The following PTPN5 variants were observed in gnomAD, a reference collection of about 807,000 sequenced individuals.
PTPN5 encodes tyrosine-protein phosphatase non-receptor type 5.
A neutral mutation model predicts 73.9 loss-of-function variants in PTPN5; 29 were observed. The observed-to-expected ratio is 0.39, with a 90% confidence interval of 0.29 to 0.54. The LOEUF is 0.54. Among genes scored for constraint, PTPN5 ranks in the 20% least tolerant of loss-of-function variants. PTPN5 has a pLI of 0.65. For missense variants in PTPN5, 652 were observed against 751.4 expected (o/e 0.87, Z 1.55); for synonymous variants, 267 against 304.7 (o/e 0.88, Z 1.29).
chr11:18,775,139 A>T (rs1851085637), intron 1 of PTPN5, among the ~76,000 whole-genome samples: 1 of 152,214 alleles, frequency 6.6e-6, no homozygotes, highest in South Asian at 2.1e-4. Context: ...GGAAATTCAG[A>T]GAAGTAAAGT....
chr11:18,744,012 C>G lies in PTPN5; in HGVS notation c.285G>C (p.Gln95His), dbSNP rs771558764. 1.3e-6 allele frequency: 2 copies of G among 1,598,596 alleles called. No homozygotes were observed. Among genetic ancestry groups the G allele is most frequent in the South Asian group, 1.1e-5 (1 of 88,584 alleles). ...AGGCCTGTGCCATCCTTACCAGGAA[C>G]TGTGAGGCAGCGAACAGGCACAGGC... ...RSSLCLFAAS[Q>H]FLLACGVLWF... The change falls in exon 4 of 15, where the codon CAG (glutamine) becomes CAC (histidine). Residue 95 changes from glutamine to histidine, a missense_variant. This residue lies in a region of PTPN5 where 529 missense variants were observed against 573.9 expected (regional missense o/e 0.92). Coordinates refer to ENST00000358540, the MANE Select transcript of PTPN5 (RefSeq NM_006906.2).
At chr11:18,745,469 G>A (rs1201184568) in intron 3 of PTPN5, among the ~76,000 whole-genome samples, 1 of 152,164 alleles carries the variant, frequency 6.6e-6, no homozygotes, top group Non-Finnish European at 1.5e-5. Context: ...CAGTTCCTCA[G>A]GTAAGCCCGC....
intron 7 of PTPN5, among the ~76,000 whole-genome samples, chr11:18,741,651 A>G (rs1390553137): frequency 6.6e-6 from 1 of 152,090 alleles, no homozygotes; most frequent in Non-Finnish European, 1.5e-5. Flanking sequence ...TACCCTATAA[A>G]AACAGGTTCT....
chr11:18,743,525 G>A (rs925244595), intron 4 of PTPN5, 96 bp from the exon 5 acceptor site: 4 of 1,112,860 alleles, frequency 3.6e-6, no homozygotes, highest in Non-Finnish European at 5.4e-6. Context: ...GGCCCTGCAT[G>A]GAGGCTCCTG....
At chr11:18,781,090 G>C (rs1381790769) in intron 1 of PTPN5, among the ~76,000 whole-genome samples, 3 of 152,058 alleles carry the variant, frequency 2.0e-5, no homozygotes, top group African/African-American at 7.2e-5. Flanking sequence ...GAAAACCTTT[G>C]GAACTCACCT....
At chr11:18,792,095 C>T (rs1281900802), upstream of PTPN5, 1 of 152,324 alleles carries the variant, frequency 6.6e-6, no homozygotes, top group African/African-American at 2.4e-5. Flanking sequence ...CCATTTCATT[C>T]ATGATTTTTT....
At chr11:18,753,709 T>C (rs940541353) in intron 3 of PTPN5, among the ~76,000 whole-genome samples, 1 of 152,156 alleles carries the variant, frequency 6.6e-6, no homozygotes, top group African/African-American at 2.4e-5. Context: ...CAAGGGAGCA[T>C]GTAAGCCAGT....
In PTPN5 at chr11:18,737,896, G is replaced by A. The variant is rs1454695231; in HGVS notation, c.984C>T (p.Tyr328=). 3.1e-6 allele frequency: 5 copies of A among 1,613,948 alleles called. No individual in the cohort carries two copies. In the Admixed American group the frequency reaches 8.3e-5, roughly 27 times the overall value. Residue 328 remains tyrosine, a synonymous_variant, in exon 9 of 15, where the codon TAC becomes TAT. Coordinates refer to ENST00000358540, the MANE Select transcript of PTPN5 (RefSeq NM_006906.2). ...AGTACTCACTGGGAAGTATGGTTTTGTACCGGTTCTTCCGCACCAGCCCAG... is the reference window on the plus strand; with the variant it reads ...AGTACTCACTGGGAAGTATGGTTTTATACCGGTTCTTCCGCACCAGCCCAG... ...DIPGLVRKNR[Y]KTILPNPHSR...
chr11:18,765,099 T>G (rs1252989109), intron 3 of PTPN5, among the ~76,000 whole-genome samples: 1 of 152,202 alleles, frequency 6.6e-6, no homozygotes, highest in East Asian at 1.9e-4. Context: ...TTTTCTTTTT[T>G]TATTTGTATT....
At chr11:18,749,247 GACA>G (rs1157698116) in intron 3 of PTPN5, among the ~76,000 whole-genome samples, 3 of 152,208 alleles carry the variant, frequency 2.0e-5, no homozygotes, top group Non-Finnish European at 2.9e-5. Context: ...GCAGCTTGCT[GACA>G]AGTGATTTAA....
At chr11:18,760,931 A>G (rs1324009071) in intron 3 of PTPN5, among the ~76,000 whole-genome samples, 2 of 152,238 alleles carry the variant, frequency 1.3e-5, no homozygotes, top group Non-Finnish European at 2.9e-5. Flanking sequence ...TGAAGCCTGC[A>G]TGGGTCTCTT....
At chr11:18,736,135 T>C (rs1282044891) in intron 9 of PTPN5, among the ~76,000 whole-genome samples, 1 of 152,076 alleles carries the variant, frequency 6.6e-6, no homozygotes, top group Admixed American at 6.5e-5. Context: ...TATTCATTCA[T>C]TCATTCAAAT....
Position 18,742,427 on chromosome 11 carries a change from C to T in PTPN5, c.560G>A (p.Arg187His), listed in dbSNP as rs767981432. ...PPEDRRQSVS[R>H]QPSFTYSEWM... ...CTCTGAGTAGGTGAAGGAGGGCTGG[C>T]GGCTCACTGACTGGCGCCTGTCCTC... The change falls in exon 7 of 15, where the codon CGC becomes CAC. Residue 187 changes from arginine (R) to histidine (H), a missense_variant. Around this residue, in one of 3 missense-constraint regions of PTPN5, gnomAD observed 529 missense variants for 573.9 expected, o/e 0.92. Coordinates refer to ENST00000358540, the MANE Select transcript of PTPN5 (RefSeq NM_006906.2). The surrounding 1 kb of genome is among the most constrained non-coding windows in gnomAD (Gnocchi z 4.1). The T allele has an allele frequency of 8.1e-6, 13 of 1,614,010 alleles. No homozygotes were observed. The highest frequency in any genetic ancestry group is 3.3e-4 in the Middle Eastern group (2 of 6,082).
chr11:18,782,036 G>GT (rs111687052), intron 1 of PTPN5, among the ~76,000 whole-genome samples: 9 of 152,214 alleles, frequency 5.9e-5, no homozygotes, highest in African/African-American at 2.2e-4. Flanking sequence ...CAGAGTAGAC[G>GT]TAAGAGGGAC....
At chr11:18,781,053 T>C (rs1851396160) in intron 1 of PTPN5, among the ~76,000 whole-genome samples, 1 of 152,156 alleles carries the variant, frequency 6.6e-6, no homozygotes, top group African/African-American at 2.4e-5. Context: ...ATTATGCAAC[T>C]CCTAGGCTTG....
intron 3 of PTPN5, among the ~76,000 whole-genome samples, chr11:18,761,173 G>T (rs1850370593): frequency 2.0e-5 from 3 of 152,352 alleles, no homozygotes; most frequent in South Asian, 4.1e-4. Context: ...CTGCAGGCCT[G>T]CCCACGAGTC....
chr11:18,736,775 G>A (rs1849131327), intron 9 of PTPN5, among the ~76,000 whole-genome samples: 1 of 152,172 alleles, frequency 6.6e-6, no homozygotes, highest in Non-Finnish European at 1.5e-5. Context: ...CGGAATCCTA[G>A]TCTGCTCCCA....
At chr11:18,775,368 C>G (rs937735773) in intron 1 of PTPN5, among the ~76,000 whole-genome samples, 1 of 152,162 alleles carries the variant, frequency 6.6e-6, no homozygotes, top group Admixed American at 6.5e-5. Context: ...TTTTTACAGA[C>G]GAGAAAACTA....
intron 9 of PTPN5, among the ~76,000 whole-genome samples, chr11:18,736,933 GCT>G (rs1372363412): frequency 1.3e-5 from 2 of 152,142 alleles, no homozygotes; most frequent in Admixed American, 6.5e-5. Flanking sequence ...GCCTTAAATG[GCT>G]CTTTGTTTAA....
Sources: allele counts gnomAD v4.1 joint callset (sites outside exome capture counted in the v4.1 genomes callset), GRCh38; gene constraint gnomAD v4.1.1; regional missense constraint gnomAD v4.1.1; non-coding constraint Gnocchi (gnomAD v3.1); transcripts MANE v1.5; gene names NCBI Gene and HGNC (gene_info 2026-07-23, HGNC 2026-07-21).